SPPL2A: variants seen among roughly 807,000 people sequenced by gnomAD.
SPPL2A encodes signal peptide peptidase like 2A.
In SPPL2A, 51 loss-of-function variants were observed where a neutral mutation model predicts 63.8. The ratio of observed to expected loss-of-function variants is 0.80; its 90% confidence interval spans 0.64 to 1.01. The LOEUF is 1.01. SPPL2A is among the 50% of genes least tolerant of loss of function. SPPL2A has a pLI of 0.00. For synonymous variants in SPPL2A, 188 were observed against 205.8 expected (o/e 0.91, Z 0.74); for missense variants, 553 against 622.7 (o/e 0.89, Z 1.19).
At chr15:50,747,918 C>G (rs2062872160) in intron 4 of SPPL2A, 195 bp downstream of exon 4, 1 of 459,122 alleles carries the variant, frequency 2.2e-6, no homozygotes, top group African/African-American at 2.0e-5. Flanking sequence ...AAACAAACAT[C>G]CTTTCTAAAG....
chr15:50,720,239 C>T (rs1440051130), intron 13 of SPPL2A, 139 bp from the exon 14 acceptor site: 5 of 626,840 alleles, frequency 8.0e-6, no homozygotes, highest in Non-Finnish European at 1.3e-5. Context: ...TCATCATTTT[C>T]CTAGATAGGA....
chr15:50,755,125 C>G (rs1307977391), intron 1 of SPPL2A, among the ~76,000 whole-genome samples: 1 of 151,682 alleles, frequency 6.6e-6, no homozygotes, highest in African/African-American at 2.4e-5. Flanking sequence ...CGAAACCATC[C>G]TGGCTAAGAA....
At chr15:50,760,869 A>C (rs947511102) in intron 1 of SPPL2A, among the ~76,000 whole-genome samples, 3 of 152,174 alleles carry the variant, frequency 2.0e-5, no homozygotes, top group Non-Finnish European at 4.4e-5. Flanking sequence ...ATACAAAAGG[A>C]AGGCAAATTT....
At chr15:50,708,598 C>T (rs1268316698) in intron 14 of SPPL2A, among the ~76,000 whole-genome samples, 4 of 149,802 alleles carry the variant, frequency 2.7e-5, no homozygotes, top group East Asian at 2.0e-4. Flanking sequence ...TCCAGCTACT[C>T]GGGAGGCTGA....
Position 50,736,181 on chromosome 15 carries a change from GT to G in SPPL2A, c.851del (p.Asn284ThrfsTer4). ...AGAGAAAAATAAGTCTCACTTCCAT[GT>G]TTTTGCCACGACATGCAATCCTAAA... ...GQCTIACRGK[N>X]MEVRLIFLSG... On this transcript the variant is annotated frameshift_variant, in exon 8 of 15. Coordinates refer to ENST00000261854, the MANE Select transcript of SPPL2A (RefSeq NM_032802.4). LOFTEE classifies it high-confidence loss of function. 1 of 1,611,574 alleles carries G rather than the reference GT, an allele frequency of 6.2e-7. No homozygotes were observed. The highest frequency in any genetic ancestry group is 8.5e-7 in the Non-Finnish European group (1 of 1,178,124).
chr15:50,755,066 T>A (rs891545848), intron 1 of SPPL2A, among the ~76,000 whole-genome samples: 1 of 151,830 alleles, frequency 6.6e-6, no homozygotes, highest in Non-Finnish European at 1.5e-5. Flanking sequence ...ACACCTGTAA[T>A]CCCAGCACTT....
rs763652556 is a variant in SPPL2A at position 50,720,033 on chromosome 15, G to A, written c.1395C>T (p.Leu465=). Residue 465 remains leucine (L), a synonymous_variant, in exon 14 of 15, where the codon CTC becomes CTT. Transcript: ENST00000261854. Reference sequence around the variant, plus strand: ...TAAGTGTGCAAGGTACTAAATAGAGGAGAGCAGGTTGCCCCTTTTTCATCA... The same window carrying A: ...TAAGTGTGCAAGGTACTAAATAGAGAAGAGCAGGTTGCCCCTTTTTCATCA... The part of the protein sequence containing the change: ...LVLMKKGQPA[L]LYLVPCTLIT... 9.9e-6 allele frequency: 16 copies of A among 1,613,426 alleles called. No homozygotes were observed. In the South Asian group the frequency reaches 1.5e-4, roughly 16 times the overall value.
chr15:50,759,435 A>G (rs1305198287), intron 1 of SPPL2A, among the ~76,000 whole-genome samples: 1 of 151,982 alleles, frequency 6.6e-6, no homozygotes, highest in African/African-American at 2.4e-5. Context: ...TATATAACCT[A>G]TTTATATTAC....
intron 1 of SPPL2A, among the ~76,000 whole-genome samples, chr15:50,751,337 C>T (rs1191914839): frequency 6.6e-6 from 1 of 152,162 alleles, no homozygotes; most frequent in Non-Finnish European, 1.5e-5. Context: ...TTTTTACAAA[C>T]AAGGGCTCTG....
chr15:50,708,566 C>T (rs1173312307), intron 14 of SPPL2A, among the ~76,000 whole-genome samples: 6 of 151,554 alleles, frequency 4.0e-5, no homozygotes, highest in South Asian at 2.1e-4. Flanking sequence ...ATTAGCTGGG[C>T]GTAGTGGCGG....
intron 5 of SPPL2A, among the ~76,000 whole-genome samples, chr15:50,741,193 G>A (rs146875563): frequency 6.6e-6 from 1 of 152,098 alleles, no homozygotes; most frequent in East Asian, 1.9e-4. Flanking sequence ...TGCAACCTAT[G>A]ACACATTATT....
At chr15:50,721,371 T>C (rs1018305503) in intron 13 of SPPL2A, among the ~76,000 whole-genome samples, 1 of 152,038 alleles carries the variant, frequency 6.6e-6, no homozygotes. Context: ...TTTGAATTTC[T>C]TTATACTTTT....
In SPPL2A at chr15:50,756,323, T is replaced by A. The variant is rs191042532; in HGVS notation, c.67-6577A>T. ...TTGCAGTGAGCTGAGATCACGCCACTGCACTCCAGTCTGACAGAGTCAGAC... is the reference window on the plus strand; with the variant it reads ...TTGCAGTGAGCTGAGATCACGCCACAGCACTCCAGTCTGACAGAGTCAGAC... On this transcript the variant is annotated intron_variant, in intron 1 of 14. Transcript: ENST00000261854. 3.2e-4 allele frequency among the ~76,000 whole-genome samples: 42 copies of A among 132,094 alleles called. No individual in the cohort carries two copies. The Admixed American group carries it at 3.7e-3, about 12-fold the overall frequency. The allele number at this position is 132,094 out of a possible 152,430, so 86.7% of individuals were successfully genotyped here.
chr15:50,751,009 A>T (rs1330820765), intron 1 of SPPL2A, among the ~76,000 whole-genome samples: 1 of 152,204 alleles, frequency 6.6e-6, no homozygotes, highest in African/African-American at 2.4e-5. Flanking sequence ...ATGAGTATAG[A>T]AATGTTCTAA....
intron 6 of SPPL2A, among the ~76,000 whole-genome samples, chr15:50,736,968 G>A (rs142051031): frequency 2.0e-5 from 3 of 151,490 alleles, no homozygotes; most frequent in Non-Finnish European, 4.4e-5. Flanking sequence ...CTGGAATGCA[G>A]TGGTGTAATC....
Position 50,736,654 on chromosome 15 carries a change from C to G in SPPL2A, c.820G>C (p.Gly274Arg), listed in dbSNP as rs2062773383. Residue 274 changes from glycine (G) to arginine (R), a missense_variant, in exon 7 of 15, where the codon GGA (glycine) becomes CGA (arginine). Gly to Arg is a moderately radical substitution (Grantham distance 125). Coordinates refer to ENST00000261854, the MANE Select transcript of SPPL2A (RefSeq NM_032802.4). ...GTAAGAGATACGTACGTGCATTGTCCATATGGTATCTTATGAATTAGTGCA... is the reference window on the plus strand; with the variant it reads ...GTAAGAGATACGTACGTGCATTGTCGATATGGTATCTTATGAATTAGTGCA... ...LAALIHKIPY[G>R]QCTIACRGKN... is the part of the protein sequence containing the mutation. 6.4e-7 allele frequency: 1 copy of G among 1,569,330 alleles called. No individual in the cohort carries two copies. The highest frequency in any genetic ancestry group is 8.8e-7 in the Non-Finnish European group (1 of 1,141,304).
At chr15:50,740,447 A>AAAAAAAAAAAAAAG (rs1567161294) in intron 5 of SPPL2A, among the ~76,000 whole-genome samples, 2 of 128,370 alleles carry the variant, frequency 1.6e-5, no homozygotes, top group Non-Finnish European at 3.4e-5. Flanking sequence ...AAAAAAAAAG[A>AAAAAAAAAAAAAAG]AAAAAAAAAG....
In SPPL2A at chr15:50,720,011, G is replaced by A. The variant is rs2062631727; in HGVS notation, c.1417C>T (p.Leu473Phe). The change falls in exon 14 of 15, where the codon CTT becomes TTT. Residue 473 changes from leucine to phenylalanine, a missense_variant. Transcript: ENST00000261854. Reference sequence around the variant, plus strand: ...CAGGCAACAACTGAGGCAGTAATAAGTGTGCAAGGTACTAAATAGAGGAGA... The same window carrying A: ...CAGGCAACAACTGAGGCAGTAATAAATGTGCAAGGTACTAAATAGAGGAGA... ...PALLYLVPCT[L>F]ITASVVAWRR... The A allele has an allele frequency of 6.2e-7, 1 of 1,613,484 alleles. No homozygotes were observed. Among genetic ancestry groups the A allele is most frequent in the South Asian group, 1.1e-5 (1 of 91,060 alleles).
chr15:50,703,735 C>T lies in SPPL2A; in HGVS notation c.*4065G>A, dbSNP rs544009635. 4 of 152,050 alleles carry T rather than the reference C, an allele frequency of 2.6e-5. No individual in the cohort carries two copies. Among genetic ancestry groups the T allele is most frequent in the African/African-American group, 7.2e-5 (3 of 41,490 alleles). 9.4% of individuals were successfully genotyped at this position (152,050 alleles called of 1,614,324 possible). A position where few individuals can be genotyped will look rare whatever the true frequency, so the allele number is the denominator to read the frequency against. On this transcript the variant is annotated 3_prime_UTR_variant, in exon 15 of 15. Coordinates refer to ENST00000261854, the MANE Select transcript of SPPL2A (RefSeq NM_032802.4). ...GGATAAATGCTTGAGGGAATGGATA[C>T]CCCATTCTCCATGATCCGCTTATTT...
Sources: gnomAD v4.1 joint callset for allele counts (sites outside exome capture counted in the v4.1 genomes callset) on GRCh38, gnomAD v4.1.1 for gene constraint, MANE v1.5 for transcripts, NCBI Gene and HGNC (gene_info 2026-07-23, HGNC 2026-07-21) for gene names.